SH3GL3: variants seen among roughly 807,000 people sequenced by gnomAD.
The protein encoded by SH3GL3 is endophilin-A3.
Under a neutral mutation model 47.7 loss-of-function variants are expected in SH3GL3, and 33 were observed. The observed-to-expected ratio is 0.69, with a 90% CI of 0.52 to 0.92. SH3GL3 has a LOEUF of 0.92. SH3GL3 is among the 40% of genes least tolerant of loss of function. The pLI, the probability that SH3GL3 is intolerant of heterozygous loss-of-function variation, is 0.00. For missense variants in SH3GL3, 363 were observed against 417.8 expected (o/e 0.87, Z 1.14); for synonymous variants, 155 against 148.8 (o/e 1.04, Z -0.30).
At chr15:83,541,569 G>A (rs2044170833) in intron 1 of SH3GL3, among the ~76,000 whole-genome samples, 1 of 151,952 alleles carries the variant, frequency 6.6e-6, no homozygotes, top group African/African-American at 2.4e-5. Flanking sequence ...CTCCATCGTG[G>A]TTGTACATCC....
At chr15:83,526,044 C>T (rs759964329) in intron 1 of SH3GL3, among the ~76,000 whole-genome samples, 14 of 152,076 alleles carry the variant, frequency 9.2e-5, no homozygotes, top group Non-Finnish European at 1.6e-4. Flanking sequence ...ACTGATGTTT[C>T]TATTTCTATA....
intron 1 of SH3GL3, among the ~76,000 whole-genome samples, chr15:83,489,037 C>T (rs2041742992): frequency 6.6e-6 from 1 of 152,210 alleles, no homozygotes; most frequent in Non-Finnish European, 1.5e-5. Flanking sequence ...GAGAGTCCAG[C>T]ATTGCTTGTG....
chr15:83,540,656 G>GT (rs1463410053), intron 1 of SH3GL3, among the ~76,000 whole-genome samples: 2 of 151,980 alleles, frequency 1.3e-5, no homozygotes, highest in African/African-American at 2.4e-5. Flanking sequence ...ACATAGAGGC[G>GT]TAAGTATTTA....
chr15:83,541,312 ATTTTTTTTTTTTTTTTTTTT>A (rs71156085), intron 1 of SH3GL3, among the ~76,000 whole-genome samples: 1,153 of 47,354 alleles, frequency 0.024, 21 homozygotes, highest in Middle Eastern at 0.064. Context: ...TGGTAATTCT[ATTTTTTTTTTTTTTTTTTTT>A]TTTTTTTTTT....
At chr15:83,537,422 A>G (rs954590223) in intron 1 of SH3GL3, among the ~76,000 whole-genome samples, 1 of 152,252 alleles carries the variant, frequency 6.6e-6, no homozygotes, top group Non-Finnish European at 1.5e-5. Context: ...CTTTCCATAC[A>G]GTAATACTTA....
chr15:83,447,713 C>T lies in SH3GL3; in HGVS notation c.45+135C>T. The T allele has an allele frequency of 1.7e-6, 1 of 582,772 alleles. No homozygotes were observed. The allele number at this position is 582,772 out of a possible 1,614,324, so 36.1% of individuals were successfully genotyped here. ...CAATTTCTTCCCGCCTAGGAGGGCGCGAGGGTGGGGTGAGGGGCCGCCTGC... is the reference window on the plus strand; with the variant it reads ...CAATTTCTTCCCGCCTAGGAGGGCGTGAGGGTGGGGTGAGGGGCCGCCTGC... On this transcript the variant is annotated intron_variant, in intron 1 of 8. Transcript: ENST00000427482. This position sits in a 1 kb window ranked among gnomAD's most constrained non-coding sequence, Gnocchi z 5.1.
At chr15:83,533,837 G>A (rs906709143) in intron 1 of SH3GL3, among the ~76,000 whole-genome samples, 2 of 152,146 alleles carry the variant, frequency 1.3e-5, no homozygotes, top group African/African-American at 4.8e-5. Context: ...TGACTTATTC[G>A]CAGGTGTCCC....
chr15:83,615,538 C>T (rs1001080970), intron 8 of SH3GL3, among the ~76,000 whole-genome samples: 2 of 152,136 alleles, frequency 1.3e-5, no homozygotes, highest in Admixed American at 6.5e-5. Context: ...TCTCAAACTC[C>T]TGGCCTCAAG....
At chr15:83,532,916 C>T (rs1038467078) in intron 1 of SH3GL3, among the ~76,000 whole-genome samples, 13 of 152,194 alleles carry the variant, frequency 8.5e-5, no homozygotes, top group African/African-American at 2.7e-4. Flanking sequence ...CAGCTAACTA[C>T]TTAGGTCTCA....
intron 1 of SH3GL3, among the ~76,000 whole-genome samples, chr15:83,503,569 C>A (rs930744321): frequency 3.3e-5 from 5 of 152,170 alleles, no homozygotes; most frequent in Non-Finnish European, 7.3e-5. Context: ...AACAACCTTA[C>A]GGGGTAGGTA....
At chr15:83,591,637 C>T (rs1483770583) in intron 8 of SH3GL3, among the ~76,000 whole-genome samples, 1 of 152,016 alleles carries the variant, frequency 6.6e-6, no homozygotes, top group Non-Finnish European at 1.5e-5. Flanking sequence ...ATTATTAAAA[C>T]TACAAATTAT....
At chr15:83,511,788 C>G (rs1248673803) in intron 1 of SH3GL3, among the ~76,000 whole-genome samples, 1 of 152,138 alleles carries the variant, frequency 6.6e-6, no homozygotes, top group African/African-American at 2.4e-5. Flanking sequence ...CATCTTGGCT[C>G]CCAGGAAGCC....
intron 6 of SH3GL3, among the ~76,000 whole-genome samples, chr15:83,585,905 A>G (rs968146781): frequency 5.9e-5 from 9 of 152,240 alleles, no homozygotes; most frequent in Admixed American, 2.0e-4. Context: ...ATGATTTGCA[A>G]CTACAAATGA....
At chr15:83,597,302 C>T (rs1345523150) in intron 8 of SH3GL3, among the ~76,000 whole-genome samples, 2 of 152,154 alleles carry the variant, frequency 1.3e-5, no homozygotes, top group Non-Finnish European at 2.9e-5. Context: ...CTCCTGCTTC[C>T]GCCTTATAAG....
chr15:83,488,555 C>T (rs912294488), intron 1 of SH3GL3, among the ~76,000 whole-genome samples: 1 of 152,182 alleles, frequency 6.6e-6, no homozygotes, highest in Non-Finnish European at 1.5e-5. Flanking sequence ...GAAAAATACG[C>T]CTCTTCCTCG....
chr15:83,622,089 CTGT>C (rs1214543140), downstream of SH3GL3, among the ~76,000 whole-genome samples: 2 of 152,186 alleles, frequency 1.3e-5, no homozygotes, highest in Non-Finnish European at 2.9e-5. Context: ...GTGCCAGGTG[CTGT>C]TCCAAACATT....
chr15:83,621,994 C>T (rs1275121606), downstream of SH3GL3, among the ~76,000 whole-genome samples: 1 of 152,080 alleles, frequency 6.6e-6, no homozygotes, highest in Admixed American at 6.5e-5. Context: ...CACACACACA[C>T]ACCACTTCTC....
intron 1 of SH3GL3, among the ~76,000 whole-genome samples, chr15:83,461,967 G>C (rs2040321298): frequency 1.3e-5 from 2 of 152,140 alleles, no homozygotes; most frequent in African/African-American, 4.8e-5. Context: ...CTTGTGAGTT[G>C]TTTTCAGGTT....
chr15:83,492,165 C>A (rs2041901388), intron 1 of SH3GL3, among the ~76,000 whole-genome samples: 1 of 151,330 alleles, frequency 6.6e-6, no homozygotes, highest in African/African-American at 2.4e-5. Context: ...CGCCTGTAAT[C>A]CCAGCTACTC....
Sources: gnomAD v4.1 joint callset for allele counts (sites outside exome capture counted in the v4.1 genomes callset) on GRCh38, gnomAD v4.1.1 for gene constraint, Gnocchi (gnomAD v3.1) non-coding constraint, MANE v1.5 for transcripts, NCBI Gene and HGNC (gene_info 2026-07-23, HGNC 2026-07-21) for gene names.